The following KLHL29 variants were observed in gnomAD, a reference collection of about 807,000 sequenced individuals.
The protein encoded by KLHL29 is kelch-like protein 29.
Under a neutral mutation model 80.4 loss-of-function variants are expected in KLHL29, and 21 were observed. The observed-to-expected ratio is 0.26, with a 90% CI of 0.19 to 0.38. The LOEUF is 0.38. Among genes scored for constraint, KLHL29 ranks in the 10% least tolerant of loss-of-function variants. The pLI is 1.00. For missense variants in KLHL29, 867 were observed against 1,223.9 expected (o/e 0.71, Z 4.35); for synonymous variants, 511 against 526.8 (o/e 0.97, Z 0.41).
chr2:23,448,317 G>A (rs141281443), intron 1 of KLHL29, among the ~76,000 whole-genome samples: 20 of 152,252 alleles, frequency 1.3e-4, no homozygotes, highest in African/African-American at 4.8e-4. Flanking sequence ...ACTGTTCTAA[G>A]TGCTCAGTAT....
intron 2 of KLHL29, among the ~76,000 whole-genome samples, chr2:23,545,620 A>T (rs1204136865): frequency 2.6e-5 from 4 of 152,190 alleles, no homozygotes; most frequent in Non-Finnish European, 5.9e-5. Context: ...CTCTGATTTC[A>T]TAGTGAAATT....
chr2:23,596,444 C>T lies in KLHL29; in HGVS notation c.285+33963C>T, dbSNP rs1668395678. On this transcript the variant is annotated intron_variant, in intron 3 of 13. Coordinates refer to ENST00000486442, the MANE Select transcript of KLHL29 (RefSeq NM_052920.2). This position sits in a 1 kb window ranked among gnomAD's most constrained non-coding sequence, Gnocchi z 4.4. ...GAGGAAGGAACCCGTTTCATAAGCGCACTCACGTTGGAGCAGAACAGAGTC... is the reference window on the plus strand; with the variant it reads ...GAGGAAGGAACCCGTTTCATAAGCGTACTCACGTTGGAGCAGAACAGAGTC... 6.6e-6 allele frequency among the ~76,000 whole-genome samples: 1 copy of T among 152,136 alleles called. No individual in the cohort carries two copies. The highest frequency in any genetic ancestry group is 2.4e-5 in the African/African-American group (1 of 41,426).
At chr2:23,417,801 C>G (rs1195247088) in intron 1 of KLHL29, among the ~76,000 whole-genome samples, 1 of 152,122 alleles carries the variant, frequency 6.6e-6, no homozygotes. Flanking sequence ...CTTGTTCAGC[C>G]TGGATTTTTA....
intron 5 of KLHL29, among the ~76,000 whole-genome samples, chr2:23,652,839 T>A (rs1348732289): frequency 6.6e-6 from 1 of 152,208 alleles, no homozygotes; most frequent in Non-Finnish European, 1.5e-5. Flanking sequence ...TTCTTTGGTG[T>A]CCCCACCTCC....
intron 7 of KLHL29, among the ~76,000 whole-genome samples, chr2:23,692,194 T>C (rs1197741660): frequency 1.3e-5 from 2 of 152,236 alleles, no homozygotes; most frequent in Non-Finnish European, 2.9e-5. Flanking sequence ...GGGGAAAGGC[T>C]ATGGCCCTGG....
chr2:23,554,804 G>A (rs1407027897), intron 2 of KLHL29, among the ~76,000 whole-genome samples: 1 of 152,174 alleles, frequency 6.6e-6, no homozygotes, highest in Non-Finnish European at 1.5e-5. Context: ...ATTTACTCAT[G>A]AATTATTCAT....
At chr2:23,539,434 T>C (rs1558379540) in intron 2 of KLHL29, among the ~76,000 whole-genome samples, 1 of 16,836 alleles carries the variant, frequency 5.9e-5, no homozygotes, top group Non-Finnish European at 9.3e-5. Flanking sequence ...CCTGCCTCCT[T>C]TTTTTTTTTT....
chr2:23,439,428 G>C (rs1663445510), intron 1 of KLHL29, among the ~76,000 whole-genome samples: 1 of 150,606 alleles, frequency 6.6e-6, no homozygotes, highest in East Asian at 2.0e-4. Flanking sequence ...GATCTTTCCT[G>C]CTTTCTCTTG....
At chr2:23,631,607 G>A (rs1558416074) in intron 3 of KLHL29, among the ~76,000 whole-genome samples, 2 of 152,214 alleles carry the variant, frequency 1.3e-5, no homozygotes. Flanking sequence ...GAGGGCAGGT[G>A]GGGCTTGGGA....
chr2:23,495,147 C>T (rs890190623), intron 2 of KLHL29, among the ~76,000 whole-genome samples: 6 of 152,186 alleles, frequency 3.9e-5, no homozygotes, highest in Non-Finnish European at 7.3e-5. Context: ...CTCAGTCTCC[C>T]AGAGTGCTGG....
rs1572520933 is a variant in KLHL29, at chr2:23,449,678, TGGAAA to T, written c.-153-25879_-153-25875del. ...CACACAGTCATGCTCAAGGTCATGG[TGGAAA>T]GGGTACCTCAAAGTTGCCCTCTCTG... On this transcript the variant is annotated intron_variant, in intron 1 of 13. Coordinates refer to ENST00000486442, the MANE Select transcript of KLHL29 (RefSeq NM_052920.2). Among the ~76,000 whole-genome samples the T allele has an allele frequency of 2.0e-5, 3 of 152,260 alleles. No homozygotes were observed. The South Asian group carries it at 6.2e-4, about 32-fold the overall frequency.
At position 23,562,622 on chromosome 2, in the gene KLHL29, CTGGG is replaced by C; in HGVS notation, c.285+142_285+145del. 1.2e-6 allele frequency: 1 copy of C among 822,160 alleles called. No homozygotes were observed. Among genetic ancestry groups the C allele is most frequent in the South Asian group, 1.8e-5 (1 of 54,912 alleles). The allele number at this position is 822,160 out of a possible 1,614,324, so 50.9% of individuals were successfully genotyped here. A position where few individuals can be genotyped will look rare whatever the true frequency, so the allele number is the denominator to read the frequency against. On this transcript the variant is annotated intron_variant, in intron 3 of 13. Coordinates refer to ENST00000486442, the MANE Select transcript of KLHL29 (RefSeq NM_052920.2). This position sits in a 1 kb window ranked among gnomAD's most constrained non-coding sequence, Gnocchi z 4.5. ...CTCCAGAGTCTTGTCCTTCCAGGAC[CTGGG>C]CCTGGAAACTGTTTGCGAGCATTCA...
chr2:23,466,757 T>C (rs568975820), intron 1 of KLHL29, among the ~76,000 whole-genome samples: 4 of 152,302 alleles, frequency 2.6e-5, no homozygotes, highest in Admixed American at 2.6e-4. Context: ...TATAGATGTA[T>C]TTGGATTTAG....
chr2:23,703,044 GC>G, intron 11 of KLHL29, 141 bp from the exon 12 acceptor site: 1 of 516,692 alleles, frequency 1.9e-6, no homozygotes, highest in Non-Finnish European at 3.2e-6. Flanking sequence ...TCATCGCAGT[GC>G]CCCCCACTGC....
Position 23,508,393 on chromosome 2 carries a change from C to T in KLHL29, c.-46+32726C>T, listed in dbSNP as rs549507355. Among the ~76,000 whole-genome samples, 4 of 152,314 alleles carry T rather than the reference C, an allele frequency of 2.6e-5. No individual in the cohort carries two copies. In the East Asian group the frequency reaches 7.7e-4, roughly 29 times the overall value. ...CTCAGATGGCTGGCAGTAATGCTGC[C>T]CGATGGGACCTCTACCGGGCTTTCT... On this transcript the variant is annotated intron_variant, in intron 2 of 13. Transcript: ENST00000486442.
intron 2 of KLHL29, among the ~76,000 whole-genome samples, chr2:23,492,299 T>C (rs1006581407): frequency 1.3e-5 from 2 of 152,204 alleles, no homozygotes; most frequent in African/African-American, 4.8e-5. Flanking sequence ...CATTCCTCCT[T>C]GCACACTGTT....
At chr2:23,452,912 C>CCCACA (rs1553325470) in intron 1 of KLHL29, among the ~76,000 whole-genome samples, 15 of 150,162 alleles carry the variant, frequency 1.0e-4, no homozygotes, top group African/African-American at 3.7e-4. Flanking sequence ...ACCCCCCCGC[C>CCCACA]CACACACACA....
chr2:23,429,161 C>A (rs12327992), intron 1 of KLHL29, among the ~76,000 whole-genome samples: 42,707 of 152,080 alleles, frequency 0.28, 6,272 homozygotes, highest in South Asian at 0.4. Flanking sequence ...CACCCAGGCA[C>A]GCACGTGTGC....
chr2:23,398,288 A>G (rs1666502965), intron 1 of KLHL29, among the ~76,000 whole-genome samples: 2 of 152,258 alleles, frequency 1.3e-5, no homozygotes, highest in African/African-American at 4.8e-5. Flanking sequence ...CTTAAAAAGG[A>G]AGGAACTTTT....
Sources: gnomAD v4.1 joint callset for allele counts (sites outside exome capture counted in the v4.1 genomes callset) on GRCh38, gnomAD v4.1.1 for gene constraint, Gnocchi (gnomAD v3.1) non-coding constraint, MANE v1.5 for transcripts, NCBI Gene and HGNC (gene_info 2026-07-23, HGNC 2026-07-21) for gene names.